Variants in ST6GALNAC3 observed in about 807,000 individuals in gnomAD.
ST6GALNAC3 encodes alpha-N-acetylgalactosaminide alpha-2,6-sialyltransferase 3.
A neutral mutation model predicts 32.7 loss-of-function variants in ST6GALNAC3; 25 were observed. That is an observed-to-expected ratio of 0.76 (90% CI 0.56 to 1.07). The LOEUF (loss-of-function observed/expected upper bound fraction) is 1.07. ST6GALNAC3 is among the 50% of genes least tolerant of loss of function. The pLI, the probability that ST6GALNAC3 is intolerant of heterozygous loss-of-function variation, is 0.00. For missense variants in ST6GALNAC3, 355 were observed against 382.4 expected, an observed-to-expected ratio of 0.93 and a Z score of 0.60; for synonymous variants, 129 against 133.1, an observed-to-expected ratio of 0.97 and a Z score of 0.21.
intron 3 of ST6GALNAC3, among the ~76,000 whole-genome samples, chr1:76,559,192 T>C (rs189135610): frequency 1.7e-3 from 254 of 152,192 alleles, no homozygotes; most frequent in Non-Finnish European, 3.2e-3. Flanking sequence ...GAAGGCCAAA[T>C]CTAGAAACCA....
At chr1:76,468,611 G>A (rs1008114198) in intron 3 of ST6GALNAC3, among the ~76,000 whole-genome samples, 19 of 151,906 alleles carry the variant, frequency 1.3e-4, no homozygotes, top group African/African-American at 3.9e-4. Flanking sequence ...GAGGATTTTA[G>A]TTAGGGGTTT....
chr1:76,573,910 G>A (rs1313486389), intron 3 of ST6GALNAC3, among the ~76,000 whole-genome samples: 1 of 151,984 alleles, frequency 6.6e-6, no homozygotes, highest in Non-Finnish European at 1.5e-5. Context: ...AGGATGCAAG[G>A]AAAATATTTG....
chr1:76,117,260 G>C (rs1010696082), intron 1 of ST6GALNAC3, among the ~76,000 whole-genome samples: 11 of 152,198 alleles, frequency 7.2e-5, no homozygotes, highest in Non-Finnish European at 1.2e-4. Context: ...TTATCCTCTA[G>C]TTTAGTTTGA....
chr1:76,541,992 T>A (rs1047542521), intron 3 of ST6GALNAC3, among the ~76,000 whole-genome samples: 12 of 152,162 alleles, frequency 7.9e-5, no homozygotes, highest in Non-Finnish European at 2.9e-5. Context: ...TTAAAAAAAA[T>A]TAGATTTTAC....
chr1:76,220,286 T>A (rs1374100518), intron 1 of ST6GALNAC3, among the ~76,000 whole-genome samples: 1 of 152,174 alleles, frequency 6.6e-6, no homozygotes, highest in Non-Finnish European at 1.5e-5. Flanking sequence ...TTAGGAGACA[T>A]CAGAGACAGA....
chr1:76,549,492 C>CT (rs1382001341), intron 3 of ST6GALNAC3, among the ~76,000 whole-genome samples: 1 of 151,330 alleles, frequency 6.6e-6, no homozygotes, highest in Non-Finnish European at 1.5e-5. Flanking sequence ...ATATTATTAC[C>CT]TTTTTGGTCT....
intron 1 of ST6GALNAC3, among the ~76,000 whole-genome samples, chr1:76,213,150 T>C (rs1325447618): frequency 6.6e-6 from 1 of 152,220 alleles, no homozygotes; most frequent in Non-Finnish European, 1.5e-5. Flanking sequence ...CAACTCACTC[T>C]CAAGTGTTGT....
At chr1:76,163,587 C>A (rs1404464639) in intron 1 of ST6GALNAC3, among the ~76,000 whole-genome samples, 1 of 152,148 alleles carries the variant, frequency 6.6e-6, no homozygotes. Context: ...ATTTTAACAT[C>A]TCTAAAACTT....
chr1:76,586,657 A>C (rs1272554786), intron 3 of ST6GALNAC3, among the ~76,000 whole-genome samples: 2 of 152,218 alleles, frequency 1.3e-5, no homozygotes, highest in African/African-American at 4.8e-5. Flanking sequence ...TAAGAACCAA[A>C]GGCATTTTAA....
intron 2 of ST6GALNAC3, among the ~76,000 whole-genome samples, chr1:76,359,577 A>T (rs1354984677): frequency 1.3e-5 from 2 of 152,160 alleles, no homozygotes; most frequent in African/African-American, 4.8e-5. Flanking sequence ...CAACACATTG[A>T]TCTCAAACTA....
intron 1 of ST6GALNAC3, among the ~76,000 whole-genome samples, chr1:76,173,476 T>A (rs1652654310): frequency 6.6e-6 from 1 of 152,086 alleles, no homozygotes. Flanking sequence ...AAAGCCAAAA[T>A]TGACAAATGG....
chr1:76,520,448 A>G (rs768684756), intron 3 of ST6GALNAC3, among the ~76,000 whole-genome samples: 12 of 152,202 alleles, frequency 7.9e-5, no homozygotes, highest in Admixed American at 2.6e-4. Context: ...GGGAATTGGC[A>G]TAGTATACAC....
At chr1:76,220,486 T>C (rs1655705294) in intron 1 of ST6GALNAC3, among the ~76,000 whole-genome samples, 1 of 152,214 alleles carries the variant, frequency 6.6e-6, no homozygotes, top group Admixed American at 6.5e-5. Context: ...TTTGAGGGCA[T>C]ACTATATGCC....
chr1:76,407,883 G>T (rs1279893382), intron 2 of ST6GALNAC3, among the ~76,000 whole-genome samples: 1 of 151,956 alleles, frequency 6.6e-6, no homozygotes, highest in Non-Finnish European at 1.5e-5. Flanking sequence ...TTCAAGCAAA[G>T]CCCCCAAATC....
chr1:76,202,267 C>CGTGT lies in ST6GALNAC3; in HGVS notation c.19-111538_19-111537insGTGT, dbSNP rs1009699009. ...TGTGGGTGGAGAGTGTGTGTGCATG[C>CGTGT]ATGTGTGTGTGTGTGTGTGTGTGTG... is the stretch of plus-strand genomic sequence containing the variant. On this transcript the variant is annotated intron_variant, in intron 1 of 4. Coordinates refer to ENST00000328299, the MANE Select transcript of ST6GALNAC3 (RefSeq NM_152996.4). Among the ~76,000 whole-genome samples, 899 of 96,868 alleles carry CGTGT rather than the reference C, an allele frequency of 9.3e-3. 17 individuals carry two copies. The highest frequency in any genetic ancestry group is 0.032 in the African/African-American group (858 of 27,106). The allele number at this position is 96,868 out of a possible 152,430, so 63.5% of individuals were successfully genotyped here.
At chr1:76,118,846 G>A (rs1648662526) in intron 1 of ST6GALNAC3, among the ~76,000 whole-genome samples, 2 of 152,022 alleles carry the variant, frequency 1.3e-5, no homozygotes, top group Non-Finnish European at 2.9e-5. Flanking sequence ...TTTTTGAGGT[G>A]GAGTCTCACT....
intron 1 of ST6GALNAC3, among the ~76,000 whole-genome samples, chr1:76,122,921 G>C (rs1000707688): frequency 4.6e-5 from 7 of 152,186 alleles, no homozygotes; most frequent in African/African-American, 7.2e-5. Context: ...TGTAGTCTGC[G>C]TCAGTGCTAC....
intron 1 of ST6GALNAC3, among the ~76,000 whole-genome samples, chr1:76,179,805 G>C (rs664998): frequency 0.91 from 138,718 of 152,230 alleles, 64,628 homozygotes; most frequent in East Asian, 1. Context: ...CAAGCATGCT[G>C]CTGCCTCTGG....
At chr1:76,167,771 C>T (rs763217170) in intron 1 of ST6GALNAC3, among the ~76,000 whole-genome samples, 2 of 152,124 alleles carry the variant, frequency 1.3e-5, no homozygotes, top group African/African-American at 2.4e-5. Context: ...AGTTTATGTG[C>T]ATAGAGGTGA....
Sources: gnomAD v4.1 joint callset for allele counts (sites outside exome capture counted in the v4.1 genomes callset) on GRCh38, gnomAD v4.1.1 for gene constraint, MANE v1.5 for transcripts, NCBI Gene and HGNC (gene_info 2026-07-23, HGNC 2026-07-21) for gene names.